PCK1: variants seen among roughly 807,000 people sequenced by gnomAD.
The protein encoded by PCK1 is phosphoenolpyruvate carboxykinase 1.
PCK1 carries 44 observed loss-of-function variants against 50.3 expected under a neutral mutation model. That is an observed-to-expected ratio of 0.87 (90% CI 0.69 to 1.12). PCK1 has a LOEUF of 1.12. Among genes scored for constraint, PCK1 ranks in the 50% most tolerant of loss-of-function variants. PCK1 has a pLI of 0.00. For synonymous variants in PCK1, 332 were observed against 314.3 expected (o/e 1.06, Z -0.59); for missense variants, 790 against 815.0 (o/e 0.97, Z 0.37).
Position 57,564,313 on chromosome 20 carries a change from A to G in PCK1, c.1106A>G (p.Tyr369Cys), listed in dbSNP as rs746027185. ...NVAETSDGGVYWEGIDEPLAS... is the reference protein window; with the variant it reads ...NVAETSDGGVCWEGIDEPLAS... ...GCCGAGACCAGCGACGGGGGCGTTT[A>G]CTGGGAAGGCATTGATGAGCCGCTA... is the stretch of plus-strand genomic sequence containing the variant. Residue 369 changes from tyrosine (Y) to cysteine (C), a missense_variant, in exon 7 of 10, where the codon TAC becomes TGC. Tyr to Cys is a radical substitution (Grantham distance 194). Transcript: ENST00000319441. The G allele has an allele frequency of 1.9e-5, 31 of 1,614,126 alleles. No individual in the cohort carries two copies. The African/African-American group carries it at 3.2e-4, about 17-fold the overall frequency.
chr20:57,561,990 A>G (rs2070148629), intron 2 of PCK1, 81 bp from the exon 3 acceptor site: 4 of 1,134,886 alleles, frequency 3.5e-6, no homozygotes, highest in Admixed American at 3.7e-5. Flanking sequence ...GCACTCTGCT[A>G]GGCATGGAAA....
rs757381471 is a variant in PCK1 at position 57,562,299 on chromosome 20, T to C, written c.406+47T>C. 35 of 1,493,614 alleles carry C rather than the reference T, an allele frequency of 2.3e-5. No individual in the cohort carries two copies. The East Asian group carries it at 6.6e-4, about 28-fold the overall frequency. 92.5% of individuals were successfully genotyped at this position (1,493,614 alleles called of 1,614,324 possible). A position where few individuals can be genotyped will look rare whatever the true frequency, so the allele number is the denominator to read the frequency against. ...TTGGGTAAAACAGCAGAGAGCCTTTTCTTATTTACATCTATCCTAATGGTA... is the reference window on the plus strand; with the variant it reads ...TTGGGTAAAACAGCAGAGAGCCTTTCCTTATTTACATCTATCCTAATGGTA... On this transcript the variant is annotated intron_variant, in intron 3 of 9. Coordinates refer to ENST00000319441, the MANE Select transcript of PCK1 (RefSeq NM_002591.4).
intron 3 of PCK1, 21 bp from the exon 4 acceptor site, chr20:57,562,675 C>T (rs377340537): frequency 1.4e-4 from 228 of 1,601,964 alleles, no homozygotes; most frequent in Non-Finnish European, 1.9e-4. Flanking sequence ...CTCACCAGTG[C>T]CCACCCATCG....
rs2070184205 is a variant in PCK1 at position 57,564,479 on chromosome 20, T to C, written c.1187-3T>C. 1 of 1,614,198 alleles carries C rather than the reference T, an allele frequency of 6.2e-7. No individual in the cohort carries two copies. Among genetic ancestry groups the C allele is most frequent in the Non-Finnish European group, 8.5e-7 (1 of 1,180,034 alleles). On this transcript the variant is annotated splice_polypyrimidine_tract_variant and splice_region_variant and intron_variant, in intron 7 of 9. Coordinates refer to ENST00000319441, the MANE Select transcript of PCK1 (RefSeq NM_002591.4). ...CACTCACGAGCCTTTCTCTGTCTTA[T>C]AGGGGAACCTTGTGCCCACCCCAAC...
In PCK1 at chr20:57,562,881, T is replaced by C. The variant is rs1056292955; in HGVS notation, c.592T>C (p.Cys198Arg). ...EFVKCLHSVGCPLPLQKPLVN... is the reference protein window; with the variant it reads ...EFVKCLHSVGRPLPLQKPLVN... ...TGTCAAATGCCTCCATTCTGTGGGG[T>C]GCCCTCTGCCTTTACAAAGTAAGTG... Residue 198 changes from cysteine to arginine, a missense_variant, in exon 4 of 10, where the codon TGC becomes CGC. Transcript: ENST00000319441. 6 of 1,611,092 alleles carry C rather than the reference T, an allele frequency of 3.7e-6. No homozygotes were observed. The highest frequency in any genetic ancestry group is 4.2e-6 in the Non-Finnish European group (5 of 1,177,276).
Position 57,566,128 on chromosome 20 carries a change from C to T in PCK1, c.*324C>T. 1 of 298,396 alleles carries T rather than the reference C, an allele frequency of 3.4e-6. No individual in the cohort carries two copies. The highest frequency in any genetic ancestry group is 6.3e-6 in the Non-Finnish European group (1 of 159,464). 18.5% of individuals were successfully genotyped at this position (298,396 alleles called of 1,614,324 possible). A position where few individuals can be genotyped will look rare whatever the true frequency, so the allele number is the denominator to read the frequency against. On this transcript the variant is annotated 3_prime_UTR_variant, in exon 10 of 10. Transcript: ENST00000319441. ...TTAGCTATGTGGATTAGCTAGAATG[C>T]ACACCAAAAAAATACTTGAGCTGTA...
In PCK1 at chr20:57,563,134, G is replaced by A. The variant is rs762425533; in HGVS notation, c.717G>A (p.Ser239=). The A allele has an allele frequency of 4.4e-5, 71 of 1,613,690 alleles. 1 individual carries two copies. The highest frequency in any genetic ancestry group is 2.5e-4 in the East Asian group (11 of 44,874). The part of the protein sequence containing the change: ...ISFGSGYGGN[S]LLGKKCFALR... ...TTGGCAGTGGGTACGGCGGGAACTC[G>A]CTGCTCGGGAAGAAGTGCTTTGCTC... Residue 239 remains serine (S), a synonymous_variant, in exon 5 of 10, where the codon TCG becomes TCA. Coordinates refer to ENST00000319441, the MANE Select transcript of PCK1 (RefSeq NM_002591.4).
chr20:57,562,033 G>T, intron 2 of PCK1, 38 bp from the exon 3 acceptor site: 1 of 1,592,834 alleles, frequency 6.3e-7, no homozygotes, highest in Non-Finnish European at 8.6e-7. Context: ...TTCGCTGCCC[G>T]TGGTGCTTGG....
At chr20:57,562,957 C>T in intron 4 of PCK1, 58 bp downstream of exon 4, 3 of 1,576,014 alleles carry the variant, frequency 1.9e-6, no homozygotes, top group Non-Finnish European at 2.6e-6. Flanking sequence ...GAACGCAAAC[C>T]CCAGTGAGTG....
In PCK1 at chr20:57,566,447, T is replaced by C. The variant is rs1568911340; in HGVS notation, c.*643T>C. On this transcript the variant is annotated 3_prime_UTR_variant, in exon 10 of 10. Coordinates refer to ENST00000319441, the MANE Select transcript of PCK1 (RefSeq NM_002591.4). ...GGAAAAAAATTACAAAATGAAGTTT[T>C]ATAGAAAAGATGGATTTGCTTTGCT... The C allele has an allele frequency of 6.6e-6, 1 of 152,208 alleles. No individual in the cohort carries two copies. Among genetic ancestry groups the C allele is most frequent in the Non-Finnish European group, 1.5e-5 (1 of 68,036 alleles). The allele number at this position is 152,208 out of a possible 1,614,324, so 9.4% of individuals were successfully genotyped here.
rs1415555028 is a variant in PCK1 at position 57,566,589 on chromosome 20, G to T, written c.*785G>T. 1 of 152,194 alleles carries T rather than the reference G, an allele frequency of 6.6e-6. No individual in the cohort carries two copies. The highest frequency in any genetic ancestry group is 2.4e-5 in the African/African-American group (1 of 41,424). 9.4% of individuals were successfully genotyped at this position (152,194 alleles called of 1,614,324 possible). A position where few individuals can be genotyped will look rare whatever the true frequency, so the allele number is the denominator to read the frequency against. The stretch of plus-strand genomic sequence containing the variant: ...GTTCAGAATCACACTTGAAGAGGGG[G>T]TGCATTGCCTGGTCCCAGGGAGAAG... On this transcript the variant is annotated 3_prime_UTR_variant, in exon 10 of 10. Coordinates refer to ENST00000319441, the MANE Select transcript of PCK1 (RefSeq NM_002591.4).
chr20:57,563,470 A>G, intron 5 of PCK1, 95 bp from the exon 6 acceptor site: 1 of 824,870 alleles, frequency 1.2e-6, no homozygotes, highest in South Asian at 1.7e-5. Context: ...CTGAAGAAAT[A>G]GATCTTGAGG....
chr20:57,563,031 CT>C lies in PCK1; in HGVS notation c.617del (p.Leu206TrpfsTer11), dbSNP rs1568908781. ...SVGCPLPLQKPLVNNWPCNPE... is the reference protein window; with the variant it reads ...SVGCPLPLQKXLVNNWPCNPE... Reference sequence around the variant, plus strand: ...TGGGAGGGGTCCTTGTTCACAGAGCCTTTGGTCAACAACTGGCCCTGCAACC... The same window carrying C: ...TGGGAGGGGTCCTTGTTCACAGAGCCTTGGTCAACAACTGGCCCTGCAACC... On this transcript the variant is annotated frameshift_variant, in exon 5 of 10. Transcript: ENST00000319441. LOFTEE classifies it high-confidence loss of function. 4.3e-6 allele frequency: 7 copies of C among 1,613,028 alleles called. No individual in the cohort carries two copies. The highest frequency in any genetic ancestry group is 5.9e-6 in the Non-Finnish European group (7 of 1,179,292).
intron 6 of PCK1, 56 bp downstream of exon 6, chr20:57,563,783 C>A: frequency 2.9e-6 from 4 of 1,399,668 alleles, no homozygotes; most frequent in Non-Finnish European, 4.0e-6. Flanking sequence ...AATCGTTGGC[C>A]TTCGAAACAT....
In PCK1 at chr20:57,565,002, C is replaced by A. The variant is rs760735498; in HGVS notation, c.1319-38C>A. Reference sequence around the variant, plus strand: ...TGGTTGTGGAGTCTGAATTTCAAAGCCTCTGATGAACATTTCTCTTTTTTT... The same window carrying A: ...TGGTTGTGGAGTCTGAATTTCAAAGACTCTGATGAACATTTCTCTTTTTTT... On this transcript the variant is annotated intron_variant, in intron 8 of 9. Transcript: ENST00000319441. 15 of 1,448,866 alleles carry A rather than the reference C, an allele frequency of 1.0e-5. No individual in the cohort carries two copies. The South Asian group carries it at 1.6e-4, about 16-fold the overall frequency. 89.8% of individuals were successfully genotyped at this position (1,448,866 alleles called of 1,614,324 possible). A position where few individuals can be genotyped will look rare whatever the true frequency, so the allele number is the denominator to read the frequency against.
intron 6 of PCK1, 174 bp from the exon 7 acceptor site, chr20:57,563,995 C>T (rs776190294): frequency 4.0e-5 from 25 of 626,454 alleles, no homozygotes; most frequent in African/African-American, 7.4e-5. Context: ...AAGCAAGAGT[C>T]GTAAACGTAT....
chr20:57,565,664 C>G lies in PCK1; in HGVS notation c.1729C>G (p.Leu577Val), dbSNP rs1409004157. 7 of 1,614,044 alleles carry G rather than the reference C, an allele frequency of 4.3e-6. No homozygotes were observed. The highest frequency in any genetic ancestry group is 5.9e-6 in the Non-Finnish European group (7 of 1,179,990). Residue 577 changes from leucine to valine, a missense_variant, in exon 10 of 10, where the codon CTT (leucine) becomes GTT (valine). Coordinates refer to ENST00000319441, the MANE Select transcript of PCK1 (RefSeq NM_002591.4). The stretch of plus-strand genomic sequence containing the variant: ...CCTGGGGCACATCAACATGATGGAG[C>G]TTTTCAGCATCTCCAAGGAATTCTG... The part of the protein sequence containing the change: ...KGLGHINMME[L>V]FSISKEFWEK...
At chr20:57,564,097 G>T in intron 6 of PCK1, 72 bp from the exon 7 acceptor site, 1 of 938,926 alleles carries the variant, frequency 1.1e-6, no homozygotes, top group South Asian at 1.6e-5. Flanking sequence ...AAATTAGTCC[G>T]GCAATATATA....
At chr20:57,564,947 C>T (rs911568553) in intron 8 of PCK1, 93 bp from the exon 9 acceptor site, 40 of 904,478 alleles carry the variant, frequency 4.4e-5, no homozygotes, top group African/African-American at 2.5e-4. Flanking sequence ...ATTGTCTTGC[C>T]GTGTCTTTCC....
Sources: gnomAD v4.1 joint callset for allele counts on GRCh38, gnomAD v4.1.1 for gene constraint, MANE v1.5 for transcripts, NCBI Gene and HGNC (gene_info 2026-07-23, HGNC 2026-07-21) for gene names.